The following CNGB3 variants were observed in gnomAD, a reference collection of about 807,000 sequenced individuals.
The protein encoded by CNGB3 is cyclic nucleotide gated channel subunit beta 3, also known as cyclic nucleotide-gated channel beta-3.
In CNGB3, 86 loss-of-function variants were observed where a neutral mutation model predicts 92.8. That is an observed-to-expected ratio of 0.93 (90% confidence interval 0.78 to 1.11). The LOEUF (loss-of-function observed/expected upper bound fraction) is 1.11. Among genes scored for constraint, CNGB3 ranks in the 50% least tolerant of loss-of-function variants. The pLI is 0.00. For missense variants in CNGB3, 1,026 were observed against 956.8 expected, an observed-to-expected ratio of 1.07 and a Z score of -0.95; for synonymous variants, 333 against 332.7, an observed-to-expected ratio of 1.00 and a Z score of -0.01.
chr8:86,693,612 C>T (rs1824364805), intron 3 of CNGB3, among the ~76,000 whole-genome samples: 1 of 150,372 alleles, frequency 6.7e-6, no homozygotes, highest in Admixed American at 6.6e-5. Flanking sequence ...GTGTTTGTGT[C>T]CCTGGGTACT....
intron 7 of CNGB3, among the ~76,000 whole-genome samples, chr8:86,652,422 C>A (rs1042377305): frequency 6.6e-6 from 1 of 151,896 alleles, no homozygotes; most frequent in Non-Finnish European, 1.5e-5. Context: ...TAAAGTAAAC[C>A]TAGCTCACTG....
chr8:86,589,783 T>C (rs974998596), intron 15 of CNGB3, among the ~76,000 whole-genome samples: 1 of 151,746 alleles, frequency 6.6e-6, no homozygotes, highest in Non-Finnish European at 1.5e-5. Flanking sequence ...TTGGAATAGG[T>C]GTGGTGTGGT....
At chr8:86,662,815 A>G (rs1823669240) in intron 6 of CNGB3, among the ~76,000 whole-genome samples, 2 of 152,156 alleles carry the variant, frequency 1.3e-5, no homozygotes, top group African/African-American at 4.8e-5. Context: ...GCCCTGCTTC[A>G]GTCACCCTTC....
intron 3 of CNGB3, among the ~76,000 whole-genome samples, chr8:86,697,432 G>A (rs1824469945): frequency 6.6e-6 from 1 of 152,144 alleles, no homozygotes. Flanking sequence ...TTAATACAGA[G>A]TCTGTAGTTA....
At chr8:86,636,369 T>C (rs1823071347) in intron 10 of CNGB3, among the ~76,000 whole-genome samples, 1 of 151,670 alleles carries the variant, frequency 6.6e-6, no homozygotes, top group African/African-American at 2.4e-5. Flanking sequence ...GTTGGGAGTT[T>C]GAGACCAGTC....
intron 2 of CNGB3, among the ~76,000 whole-genome samples, chr8:86,739,201 T>TTA (rs1390824075): frequency 4.6e-5 from 7 of 152,150 alleles, no homozygotes; most frequent in African/African-American, 1.2e-4. Flanking sequence ...TAAATGAGCC[T>TTA]TATAATGGAG....
intron 3 of CNGB3, among the ~76,000 whole-genome samples, chr8:86,689,883 G>C (rs1005458168): frequency 2.0e-5 from 3 of 152,304 alleles, no homozygotes; most frequent in African/African-American, 7.2e-5. Flanking sequence ...CTCTACAAAG[G>C]ACATGAACTC....
chr8:86,648,975 TAC>T (rs1385012799), intron 7 of CNGB3, among the ~76,000 whole-genome samples: 4 of 151,470 alleles, frequency 2.6e-5, no homozygotes, highest in African/African-American at 7.3e-5. Flanking sequence ...GAAATCAATG[TAC>T]ACAAATCAGT....
chr8:86,658,673 C>G (rs1823568963), intron 6 of CNGB3: 1 of 367,744 alleles, frequency 2.7e-6, no homozygotes, highest in Non-Finnish European at 5.1e-6. Flanking sequence ...TCTCCTTCAG[C>G]TCACCCAGCT....
chr8:86,665,039 G>A (rs982116475), intron 6 of CNGB3, among the ~76,000 whole-genome samples: 3 of 152,130 alleles, frequency 2.0e-5, no homozygotes, highest in Non-Finnish European at 4.4e-5. Context: ...GTATTTAATT[G>A]TAACTAATTC....
intron 6 of CNGB3, chr8:86,661,462 C>A (rs896878646): frequency 5.5e-5 from 32 of 585,356 alleles, no homozygotes; most frequent in South Asian, 4.8e-4. Context: ...CTGCATACGT[C>A]CCTGAGCTCT....
chr8:86,707,184 G>A (rs1038461142), intron 3 of CNGB3, among the ~76,000 whole-genome samples: 2 of 152,042 alleles, frequency 1.3e-5, no homozygotes, highest in Non-Finnish European at 2.9e-5. Flanking sequence ...TTTATCATAG[G>A]CCTATTATAT....
chr8:86,738,354 C>T (rs1825282201), intron 2 of CNGB3, among the ~76,000 whole-genome samples: 1 of 152,206 alleles, frequency 6.6e-6, no homozygotes, highest in South Asian at 2.1e-4. Context: ...AGCACTTAAG[C>T]TTCTTGAGCA....
At position 86,644,623 on chromosome 8, in the gene CNGB3, T is replaced by G. The variant is rs1823261657; in HGVS notation, c.1054A>C (p.Arg352=). The stretch of plus-strand genomic sequence containing the variant: ...CAAGTATACTGAGTTATACTTTACC[T>G]GTAGATATATGCTTTGTCCATTATA... The part of the protein sequence containing the change: ...ESIMDKAYIY[R]VIRTTGYLLF... The change falls in exon 9 of 18, where the codon AGA becomes CGA. Residue 352 remains arginine (R), a splice_region_variant and synonymous_variant. Coordinates refer to ENST00000320005, the MANE Select transcript of CNGB3 (RefSeq NM_019098.5). The G allele has an allele frequency of 1.9e-6, 3 of 1,600,896 alleles. No homozygotes were observed. The South Asian group carries it at 3.3e-5, about 18-fold the overall frequency.
chr8:86,597,085 T>C (rs1403882514), intron 15 of CNGB3, among the ~76,000 whole-genome samples: 1 of 152,114 alleles, frequency 6.6e-6, no homozygotes, highest in Non-Finnish European at 1.5e-5. Flanking sequence ...AATGAGTTGA[T>C]GGGTGCAGCA....
chr8:86,622,203 G>C (rs1190094048), intron 13 of CNGB3, among the ~76,000 whole-genome samples: 3 of 152,134 alleles, frequency 2.0e-5, no homozygotes, highest in African/African-American at 7.2e-5. Context: ...CTGCAACTTA[G>C]AAATGGAGTT....
intron 13 of CNGB3, among the ~76,000 whole-genome samples, chr8:86,619,424 A>AT (rs1394704783): frequency 6.6e-6 from 1 of 152,162 alleles, no homozygotes; most frequent in Non-Finnish European, 1.5e-5. Flanking sequence ...AAGAGGAATC[A>AT]TTTTTGTGAA....
chr8:86,702,985 T>C (rs1824582180), intron 3 of CNGB3, among the ~76,000 whole-genome samples: 1 of 152,162 alleles, frequency 6.6e-6, no homozygotes, highest in African/African-American at 2.4e-5. Context: ...TTTTTAAAAA[T>C]TGATTTTACT....
intron 10 of CNGB3, among the ~76,000 whole-genome samples, chr8:86,642,980 C>G (rs1823219962): frequency 6.6e-6 from 1 of 151,470 alleles, no homozygotes; most frequent in Non-Finnish European, 1.5e-5. Context: ...TTGTTCATTA[C>G]TAACAATCGG....
Sources: allele counts gnomAD v4.1 joint callset (sites outside exome capture counted in the v4.1 genomes callset), GRCh38; gene constraint gnomAD v4.1.1; transcripts MANE v1.5; gene names NCBI Gene and HGNC (gene_info 2026-07-23, HGNC 2026-07-21).